The following ZNF384 variants were observed in gnomAD, a reference collection of about 807,000 sequenced individuals.
The protein encoded by ZNF384 is zinc finger protein 384, also known as CAG repeat protein 1.
In ZNF384, 20 loss-of-function variants were observed where a neutral mutation model predicts 65.0. The observed-to-expected ratio is 0.31, with a 90% confidence interval of 0.22 to 0.45. ZNF384 has a LOEUF of 0.45. Among genes scored for constraint, ZNF384 ranks in the 20% least tolerant of loss-of-function variants. The probability of loss-of-function intolerance (pLI) is 1.00; values close to 1 mark genes in which losing one functional copy is unlikely to be tolerated. For synonymous variants in ZNF384, 310 were observed against 303.9 expected, an observed-to-expected ratio of 1.02 and a Z score of -0.21; for missense variants, 549 against 769.4, an observed-to-expected ratio of 0.71 and a Z score of 3.39.
intron 6 of ZNF384, 116 bp from the exon 7 acceptor site, chr12:6,677,375 C>T: frequency 5.3e-6 from 6 of 1,125,748 alleles, no homozygotes; most frequent in Non-Finnish European, 6.7e-6. Context: ...GTAGTTATCC[C>T]ACTCTATACA....
At chr12:6,679,407 G>T (rs1955025450) in intron 3 of ZNF384, 48 bp downstream of exon 3, 4 of 1,540,260 alleles carry the variant, frequency 2.6e-6, no homozygotes, top group Non-Finnish European at 3.6e-6. Flanking sequence ...CATAGTAACA[G>T]AACTTACTAC....
chr12:6,677,962 A>G (rs540410971), intron 6 of ZNF384, among the ~76,000 whole-genome samples, 165 bp downstream of exon 6: 1 of 152,342 alleles, frequency 6.6e-6, no homozygotes, highest in South Asian at 2.1e-4. Flanking sequence ...CGATGCTAGC[A>G]GCTCTGCCTC....
Position 6,678,884 on chromosome 12 carries a change from A to G in ZNF384, c.304+62T>C. The G allele has an allele frequency of 1.3e-6, 2 of 1,565,020 alleles. No homozygotes were observed. Among genetic ancestry groups the G allele is most frequent in the Non-Finnish European group, 1.8e-6 (2 of 1,139,290 alleles). On this transcript the variant is annotated intron_variant, in intron 4 of 11. Transcript: ENST00000683879. This position sits in a 1 kb window ranked among gnomAD's most constrained non-coding sequence, Gnocchi z 4.9. ...ACTCCCCATGTCCTTGGAGCCCTCC[A>G]GCCTGGGGTACTGATCATGGAAGAT... is the stretch of plus-strand genomic sequence containing the variant.
chr12:6,686,930 A>G (rs1486845559), intron 2 of ZNF384, among the ~76,000 whole-genome samples: 3 of 152,256 alleles, frequency 2.0e-5, no homozygotes, highest in Admixed American at 1.3e-4. Flanking sequence ...ATGGAAAAAA[A>G]CAATCAACTT....
chr12:6,687,205 T>C (rs1372963848), intron 2 of ZNF384, among the ~76,000 whole-genome samples: 1 of 152,160 alleles, frequency 6.6e-6, no homozygotes, highest in Non-Finnish European at 1.5e-5. Context: ...ACCCCAATGT[T>C]ACTGGGAAAC....
Position 6,673,149 on chromosome 12 carries a change from G to A in ZNF384, c.1004+67C>T, listed in dbSNP as rs1379615184. The A allele has an allele frequency of 2.1e-5, 30 of 1,398,224 alleles. 1 individual carries two copies. The South Asian group carries it at 3.7e-4, about 17-fold the overall frequency. 86.6% of individuals were successfully genotyped at this position (1,398,224 alleles called of 1,614,324 possible). Reference sequence around the variant, plus strand: ...AAGAATAATACATGTGGAGAGAGGAGTAGGTGCAGGCAACATGGTCTTAGG... The same window carrying A: ...AAGAATAATACATGTGGAGAGAGGAATAGGTGCAGGCAACATGGTCTTAGG... On this transcript the variant is annotated intron_variant, in intron 8 of 11. Coordinates refer to ENST00000683879, the MANE Select transcript of ZNF384 (RefSeq NM_001385745.1). This position sits in a 1 kb window ranked among gnomAD's most constrained non-coding sequence, Gnocchi z 4.7.
intron 2 of ZNF384, among the ~76,000 whole-genome samples, chr12:6,682,160 AAG>A (rs1956219874): frequency 1.3e-5 from 2 of 151,706 alleles, no homozygotes; most frequent in Non-Finnish European, 2.9e-5. Context: ...AAAAAAGAAA[AAG>A]AAAAAAAAAG....
chr12:6,677,992 C>A, intron 6 of ZNF384, 135 bp downstream of exon 6: 1 of 780,494 alleles, frequency 1.3e-6, no homozygotes, highest in Admixed American at 2.4e-5. Context: ...GATGGGACAC[C>A]TGACATGCAA....
At chr12:6,677,632 C>T (rs1954169667) in intron 6 of ZNF384, among the ~76,000 whole-genome samples, 1 of 152,116 alleles carries the variant, frequency 6.6e-6, no homozygotes, top group African/African-American at 2.4e-5. Context: ...GGGGAGGCAT[C>T]CTATTCCTCC....
chr12:6,672,537 C>CGGAGA lies in ZNF384; in HGVS notation c.1005-10_1005-6dup. Reference sequence around the variant, plus strand: ...GTGTGCATCTTGGAGTGGATCCTGCCGGAGAGGAGAGGAGGGAAGGGGGGA... The same window carrying CGGAGA: ...GTGTGCATCTTGGAGTGGATCCTGCCGGAGAGGAGAGGAGAGGAGGGAAGGGGGGA... On this transcript the variant is annotated splice_polypyrimidine_tract_variant and splice_region_variant and intron_variant, in intron 8 of 11. Transcript: ENST00000683879. The surrounding 1 kb of genome is among the most constrained non-coding windows in gnomAD (Gnocchi z 4.4). 1 of 1,613,376 alleles carries CGGAGA rather than the reference C, an allele frequency of 6.2e-7. No individual in the cohort carries two copies. Among genetic ancestry groups the CGGAGA allele is most frequent in the Non-Finnish European group, 8.5e-7 (1 of 1,179,642 alleles).
intron 2 of ZNF384, among the ~76,000 whole-genome samples, chr12:6,685,979 G>A (rs1013613938): frequency 6.6e-6 from 1 of 152,076 alleles, no homozygotes; most frequent in Non-Finnish European, 1.5e-5. Context: ...TTGGCCCAGA[G>A]CTTTGTCTAT....
chr12:6,682,365 CAAAACA>C, intron 2 of ZNF384, among the ~76,000 whole-genome samples: 1 of 146,938 alleles, frequency 6.8e-6, no homozygotes, highest in East Asian at 1.9e-4. Context: ...CAAAACAAAA[CAAAACA>C]AAACATGCAA....
chr12:6,689,540 G>A (rs1959174058), upstream of ZNF384: 1 of 152,420 alleles, frequency 6.6e-6, no homozygotes, highest in Admixed American at 6.5e-5. Flanking sequence ...TGGAGAAAGA[G>A]GGGCGTGCAG....
chr12:6,667,390 G>A lies in ZNF384; in HGVS notation c.*324C>T, dbSNP rs1950010402. On this transcript the variant is annotated 3_prime_UTR_variant, in exon 12 of 12. Transcript: ENST00000683879. The stretch of plus-strand genomic sequence containing the variant: ...TAAGGAGGGTAAGGATAGGGTAAGT[G>A]GCCACACTGGACAAGGTTCTATGAG... 2.0e-6 allele frequency: 1 copy of A among 489,962 alleles called. No individual in the cohort carries two copies. The highest frequency in any genetic ancestry group is 1.9e-5 in the African/African-American group (1 of 52,312). 30.4% of individuals were successfully genotyped at this position (489,962 alleles called of 1,614,324 possible).
chr12:6,674,788 G>A (rs1952866034), intron 7 of ZNF384, among the ~76,000 whole-genome samples: 1 of 152,194 alleles, frequency 6.6e-6, no homozygotes, highest in Admixed American at 6.5e-5. Flanking sequence ...CCCCAGAAGG[G>A]CGAGCAAATG....
chr12:6,674,790 G>A (rs770177143), intron 7 of ZNF384, among the ~76,000 whole-genome samples: 52 of 152,202 alleles, frequency 3.4e-4, no homozygotes, highest in Non-Finnish European at 6.0e-4. Flanking sequence ...CCAGAAGGGC[G>A]AGCAAATGCC....
At position 6,672,424 on chromosome 12, in the gene ZNF384, C is replaced by G. The variant is rs770720036; in HGVS notation, c.1113G>C (p.Ser371=). 2.7e-5 allele frequency: 44 copies of G among 1,613,948 alleles called. No homozygotes were observed. Among genetic ancestry groups the G allele is most frequent in the Non-Finnish European group, 3.7e-5 (44 of 1,179,980 alleles). The change falls in exon 9 of 12, where the codon TCG becomes TCC. Residue 371 remains serine (S), a synonymous_variant. Coordinates refer to ENST00000683879, the MANE Select transcript of ZNF384 (RefSeq NM_001385745.1). The surrounding 1 kb of genome is among the most constrained non-coding windows in gnomAD (Gnocchi z 4.4). ...SYLAQHLRIH[S]GAKPYNCSYC... The stretch of plus-strand genomic sequence containing the variant: ...AGGAACAGTTGTAGGGCTTGGCCCC[C>G]GAGTGGATACGGAGGTGCTGGGCCA...
intron 2 of ZNF384, among the ~76,000 whole-genome samples, chr12:6,683,096 G>A (rs777310224): frequency 3.3e-5 from 5 of 151,034 alleles, no homozygotes; most frequent in Non-Finnish European, 7.4e-5. Flanking sequence ...TTTGAGACCA[G>A]CCTGGTCAAC....
At position 6,680,883 on chromosome 12, in the gene ZNF384, TAC is replaced by T. The variant is rs538738709; in HGVS notation, c.-5-1360_-5-1359del. 1.6e-4 allele frequency among the ~76,000 whole-genome samples: 24 copies of T among 152,208 alleles called. No homozygotes were observed. In the East Asian group the frequency reaches 4.6e-3, roughly 29 times the overall value. Reference sequence around the variant, plus strand: ...GAATAGGCATGATAGTAGGCCAGAATACACACACAGTGCCAGACTCCTGCTTC... The same window carrying T: ...GAATAGGCATGATAGTAGGCCAGAATACACACAGTGCCAGACTCCTGCTTC... On this transcript the variant is annotated intron_variant, in intron 2 of 11. Coordinates refer to ENST00000683879, the MANE Select transcript of ZNF384 (RefSeq NM_001385745.1).
Sources: gnomAD v4.1 joint callset for allele counts (sites outside exome capture counted in the v4.1 genomes callset) on GRCh38, gnomAD v4.1.1 for gene constraint, Gnocchi (gnomAD v3.1) non-coding constraint, MANE v1.5 for transcripts, NCBI Gene and HGNC (gene_info 2026-07-23, HGNC 2026-07-21) for gene names.